Variants in TRIM59 observed in about 807,000 individuals in gnomAD.
TRIM59 encodes tripartite motif-containing protein 59.
Under a neutral mutation model 32.2 loss-of-function variants are expected in TRIM59, and 14 were observed. The ratio of observed to expected loss-of-function variants is 0.43; its 90% confidence interval spans 0.29 to 0.68. The LOEUF (loss-of-function observed/expected upper bound fraction) is 0.68. Ranked by LOEUF, TRIM59 falls within the 30% of genes least tolerant of loss-of-function variation. TRIM59 has a pLI of 0.15. For synonymous variants in TRIM59, 163 were observed against 155.1 expected, an observed-to-expected ratio of 1.05 and a Z score of -0.38; for missense variants, 471 against 463.3, an observed-to-expected ratio of 1.02 and a Z score of -0.15.
Position 160,448,737 on chromosome 3 carries a change from C to T in TRIM59, c.-15G>A, listed in dbSNP as rs1202112237. ...CCCAGATTACCTACTTTGTTGATCTCGTGGTTTGGGGGCTGAATACACTCT... is the reference window on the plus strand; with the variant it reads ...CCCAGATTACCTACTTTGTTGATCTTGTGGTTTGGGGGCTGAATACACTCT... On this transcript the variant is annotated 5_prime_UTR_variant, in exon 2 of 3. Transcript: ENST00000309784. 6.2e-6 allele frequency: 8 copies of T among 1,283,008 alleles called. No homozygotes were observed. Among genetic ancestry groups the T allele is most frequent in the Middle Eastern group, 2.5e-4 (1 of 3,922 alleles). The allele number at this position is 1,283,008 out of a possible 1,614,324, so 79.5% of individuals were successfully genotyped here. A position where few individuals can be genotyped will look rare whatever the true frequency, so the allele number is the denominator to read the frequency against.
intron 2 of TRIM59, among the ~76,000 whole-genome samples, chr3:160,447,353 AAATATT>A (rs1452262206): frequency 1.3e-5 from 2 of 152,234 alleles, no homozygotes; most frequent in African/African-American, 4.8e-5. Context: ...TAAAACCGAG[AAATATT>A]AATATAAAAA....
At position 160,438,371 on chromosome 3, in the gene TRIM59, C is replaced by T. The variant is rs769978259; in HGVS notation, c.813G>A (p.Glu271=). 101 of 1,613,568 alleles carry T rather than the reference C, an allele frequency of 6.3e-5. No homozygotes were observed. The highest frequency in any genetic ancestry group is 7.5e-5 in the Non-Finnish European group (89 of 1,179,962). Residue 271 remains glutamate (E), a synonymous_variant, in exon 3 of 3, where the codon GAG becomes GAA. Coordinates refer to ENST00000309784, the MANE Select transcript of TRIM59 (RefSeq NM_173084.3). ...GAGGATAAATTTCAACGGGTTGAAC[C>T]TCAGGAAGTGGTCTTTGTTTCAAGA... ...VQILKQRPLP[E]VQPVEIYPRV... is the part of the protein sequence containing the mutation.
In TRIM59 at chr3:160,436,248, T is replaced by C. The variant is rs955567972; in HGVS notation, c.*1724A>G. On this transcript the variant is annotated 3_prime_UTR_variant, in exon 3 of 3. Coordinates refer to ENST00000309784, the MANE Select transcript of TRIM59 (RefSeq NM_173084.3). ...TTCCCTGAAAAAGCTGTATTTATGA[T>C]AGTTTATGTGCAATCTGTAGGGCCA... 4.0e-6 allele frequency: 4 copies of C among 993,466 alleles called. No homozygotes were observed. Among genetic ancestry groups the C allele is most frequent in the Non-Finnish European group, 4.8e-6 (4 of 834,976 alleles). 61.5% of individuals were successfully genotyped at this position (993,466 alleles called of 1,614,324 possible).
rs949767546 is a variant in TRIM59 at position 160,437,232 on chromosome 3, T to G, written c.*740A>C. On this transcript the variant is annotated 3_prime_UTR_variant, in exon 3 of 3. Transcript: ENST00000309784. ...TTAGCCAGGCATGGGGGTGTGTGCC[T>G]TGTCCCAGCTGCTCCAGAGGCAGAG... 1.1e-5 allele frequency: 6 copies of G among 571,112 alleles called. No homozygotes were observed. Among genetic ancestry groups the G allele is most frequent in the Non-Finnish European group, 8.8e-6 (4 of 452,202 alleles). The allele number at this position is 571,112 out of a possible 1,614,324, so 35.4% of individuals were successfully genotyped here.
In TRIM59 at chr3:160,438,281, G is replaced by A. The variant is rs776620257; in HGVS notation, c.903C>T (p.Leu301=). Residue 301 remains leucine, a synonymous_variant, in exon 3 of 3, where the codon CTC becomes CTT. Transcript: ENST00000309784. ...TTGGAGAAATTTTCATTTTGGGAAT[G>A]AGAACGTTCTTAATTTGTCCAATTT... The part of the protein sequence containing the change: ...RTEIGQIKNV[L]IPKMKISPKR... 1 of 1,613,782 alleles carries A rather than the reference G, an allele frequency of 6.2e-7. No homozygotes were observed. The highest frequency in any genetic ancestry group is 1.7e-5 in the Admixed American group (1 of 60,016).
Position 160,449,715 on chromosome 3 carries a change from A to C in TRIM59, c.-74+2T>G, listed in dbSNP as rs1256353605. 1 of 1,288,526 alleles carries C rather than the reference A, an allele frequency of 7.8e-7. No individual in the cohort carries two copies. The highest frequency in any genetic ancestry group is 2.3e-5 in the Admixed American group (1 of 43,562). 79.8% of individuals were successfully genotyped at this position (1,288,526 alleles called of 1,614,324 possible). A position where few individuals can be genotyped will look rare whatever the true frequency, so the allele number is the denominator to read the frequency against. On this transcript the variant is annotated splice_donor_variant, in intron 1 of 2. Coordinates refer to ENST00000309784, the MANE Select transcript of TRIM59 (RefSeq NM_173084.3). LOFTEE classifies it low-confidence loss of function (5UTR_SPLICE). ...CGCATCCGTAAAGGTCCTTAGACTC[A>C]CCGCGGGGAGGAAGCGGACCAGGCA...
intron 2 of TRIM59, among the ~76,000 whole-genome samples, chr3:160,440,218 T>C (rs1719171071): frequency 6.6e-6 from 1 of 152,222 alleles, no homozygotes. Flanking sequence ...AATTAATTCT[T>C]ATAATAAAAA....
chr3:160,437,242 T>G lies in TRIM59; in HGVS notation c.*730A>C. On this transcript the variant is annotated 3_prime_UTR_variant, in exon 3 of 3. Coordinates refer to ENST00000309784, the MANE Select transcript of TRIM59 (RefSeq NM_173084.3). ...ATGGGGGTGTGTGCCTTGTCCCAGC[T>G]GCTCCAGAGGCAGAGGCGGGAGGAT... 1.7e-6 allele frequency: 1 copy of G among 591,130 alleles called. No individual in the cohort carries two copies. The highest frequency in any genetic ancestry group is 2.1e-6 in the Non-Finnish European group (1 of 470,336). 36.6% of individuals were successfully genotyped at this position (591,130 alleles called of 1,614,324 possible). A position where few individuals can be genotyped will look rare whatever the true frequency, so the allele number is the denominator to read the frequency against.
intron 2 of TRIM59, among the ~76,000 whole-genome samples, chr3:160,443,764 C>T (rs997702120): frequency 5.9e-5 from 9 of 152,044 alleles, no homozygotes; most frequent in African/African-American, 2.2e-4. Context: ...CTCAGCTTCC[C>T]GAGCAGCTAG....
chr3:160,444,694 G>A (rs1195699724), intron 2 of TRIM59, among the ~76,000 whole-genome samples: 3 of 152,230 alleles, frequency 2.0e-5, no homozygotes, highest in Non-Finnish European at 4.4e-5. Context: ...GCAGGTTGCT[G>A]CCTCGGAGCC....
In TRIM59 at chr3:160,449,508, C is replaced by G. The variant is rs1719708927; in HGVS notation, c.-74+209G>C. On this transcript the variant is annotated intron_variant, in intron 1 of 2. Coordinates refer to ENST00000309784, the MANE Select transcript of TRIM59 (RefSeq NM_173084.3). ...CAGAGGGCCTCCTCCCTCACAGGAA[C>G]GCAGCTCCACAGTGGAGGGACGGGA... 3.3e-6 allele frequency: 4 copies of G among 1,211,854 alleles called. No individual in the cohort carries two copies. In the African/African-American group the frequency reaches 6.3e-5, roughly 19 times the overall value. The allele number at this position is 1,211,854 out of a possible 1,614,324, so 75.1% of individuals were successfully genotyped here. A position where few individuals can be genotyped will look rare whatever the true frequency, so the allele number is the denominator to read the frequency against.
In TRIM59 at chr3:160,437,171, G is replaced by C. The variant is rs1374503150; in HGVS notation, c.*801C>G. 2.8e-6 allele frequency: 2 copies of C among 708,814 alleles called. No homozygotes were observed. Among genetic ancestry groups the C allele is most frequent in the African/African-American group, 3.9e-5 (2 of 51,600 alleles). The allele number at this position is 708,814 out of a possible 1,614,324, so 43.9% of individuals were successfully genotyped here. ...GTTTGAGACCAACCTGGGCAATATG[G>C]CAAAACCTCGTTTCTACAAAAAACA... On this transcript the variant is annotated 3_prime_UTR_variant, in exon 3 of 3. Coordinates refer to ENST00000309784, the MANE Select transcript of TRIM59 (RefSeq NM_173084.3).
rs908331658 is a variant in TRIM59, at chr3:160,449,768, C to T, written c.-125G>A. On this transcript the variant is annotated 5_prime_UTR_variant, in exon 1 of 3. It adds an upstream start codon to the 5' untranslated region. Transcript: ENST00000309784. ...TCCACAGCACGGAAACACAGCGCCACGAGCTCCAGGCGGATGCTGAGAGCC... is the reference window on the plus strand; with the variant it reads ...TCCACAGCACGGAAACACAGCGCCATGAGCTCCAGGCGGATGCTGAGAGCC... The T allele has an allele frequency of 3.1e-6, 4 of 1,280,042 alleles. No individual in the cohort carries two copies. The highest frequency in any genetic ancestry group is 1.5e-5 in the African/African-American group (1 of 65,634). The allele number at this position is 1,280,042 out of a possible 1,614,324, so 79.3% of individuals were successfully genotyped here.
chr3:160,448,856 G>T, intron 1 of TRIM59, 61 bp from the exon 2 acceptor site: 1 of 939,192 alleles, frequency 1.1e-6, no homozygotes, highest in Non-Finnish European at 1.4e-6. Flanking sequence ...TCATAAAAAT[G>T]GTTGTTAGTT....
At chr3:160,440,524 T>A (rs912870319) in intron 2 of TRIM59, among the ~76,000 whole-genome samples, 3 of 152,128 alleles carry the variant, frequency 2.0e-5, no homozygotes, top group African/African-American at 7.2e-5. Flanking sequence ...CTACCCTCAA[T>A]GCATCAGCCA....
intron 1 of TRIM59, chr3:160,449,480 C>T: frequency 8.4e-7 from 1 of 1,195,488 alleles, no homozygotes; most frequent in South Asian, 1.5e-5. Flanking sequence ...ACCCTCGCCA[C>T]CACAGAGGGC....
chr3:160,444,511 A>C (rs187913331), intron 2 of TRIM59, among the ~76,000 whole-genome samples: 2 of 152,318 alleles, frequency 1.3e-5, no homozygotes, highest in East Asian at 3.9e-4. Context: ...TGGCCACAAT[A>C]ATTATCTCCC....
At position 160,438,464 on chromosome 3, in the gene TRIM59, T is replaced by C; in HGVS notation, c.720A>G (p.Ile240Met). 6.2e-7 allele frequency: 1 copy of C among 1,614,036 alleles called. No individual in the cohort carries two copies. Residue 240 changes from isoleucine (I) to methionine (M), a missense_variant, in exon 3 of 3, where the codon ATA (isoleucine) becomes ATG (methionine). Transcript: ENST00000309784. ...TAAGTGGAGACTCTTCTTGTAAAGA[T>C]ATTGTCAGTGCCATTAATTCAAGCT... ...EQQLELMALT[I>M]SLQEESPLKF...
In TRIM59 at chr3:160,449,762, G is replaced by A. The variant is rs530068863; in HGVS notation, c.-119C>T. 11 of 1,282,438 alleles carry A rather than the reference G, an allele frequency of 8.6e-6. 1 individual carries two copies. The South Asian group carries it at 8.7e-5, about 10-fold the overall frequency. The allele number at this position is 1,282,438 out of a possible 1,614,324, so 79.4% of individuals were successfully genotyped here. On this transcript the variant is annotated 5_prime_UTR_variant, in exon 1 of 3. Transcript: ENST00000309784. ...GGCAACTCCACAGCACGGAAACACAGCGCCACGAGCTCCAGGCGGATGCTG... is the reference window on the plus strand; with the variant it reads ...GGCAACTCCACAGCACGGAAACACAACGCCACGAGCTCCAGGCGGATGCTG...
Sources: allele counts gnomAD v4.1 joint callset (sites outside exome capture counted in the v4.1 genomes callset), GRCh38; gene constraint gnomAD v4.1.1; transcripts MANE v1.5; gene names NCBI Gene and HGNC (gene_info 2026-07-23, HGNC 2026-07-21).